Variants in G6PC3 observed in about 807,000 individuals in gnomAD.
G6PC3 encodes the protein glucose-6-phosphatase 3.
Under a neutral mutation model 38.6 loss-of-function variants are expected in G6PC3, and 30 were observed. The ratio of observed to expected loss-of-function variants is 0.78; its 90% confidence interval spans 0.58 to 1.05. The LOEUF (loss-of-function observed/expected upper bound fraction) is 1.05, where lower values mean the gene tolerates loss of function less well. G6PC3 is among the 50% of genes least tolerant of loss of function. The pLI is 0.00. For missense variants in G6PC3, 377 were observed against 443.1 expected, an observed-to-expected ratio of 0.85 and a Z score of 1.34; for synonymous variants, 192 against 178.1, an observed-to-expected ratio of 1.08 and a Z score of -0.62.
In G6PC3 at chr17:44,075,902, G is replaced by GGGT; in HGVS notation, c.902_903insTGG (p.Gly301dup). On this transcript the variant is annotated inframe_insertion, in exon 6 of 6. Coordinates refer to ENST00000269097, the MANE Select transcript of G6PC3 (RefSeq NM_138387.4). ...GGCTGCTGGGCCCCCTGGACTGGCT[G>GGGT]GGCCACCCCCCTCAGATCAGCCTCT... 1 of 1,613,058 alleles carries GGGT rather than the reference G, an allele frequency of 6.2e-7. No homozygotes were observed. The highest frequency in any genetic ancestry group is 1.1e-5 in the South Asian group (1 of 91,078).
intron 1 of G6PC3, 199 bp downstream of exon 1, chr17:44,071,382 A>G (rs1284688607): frequency 2.3e-6 from 2 of 868,190 alleles, no homozygotes; most frequent in East Asian, 5.4e-5. Flanking sequence ...TCATTAGACC[A>G]GTGTTCTTCA....
At chr17:44,072,364 C>T (rs1405576430) in intron 1 of G6PC3, 1 of 128,696 alleles carries the variant, frequency 7.8e-6, no homozygotes. Context: ...GAGTCTCGCT[C>T]AGTTGCCCAG....
intron 5 of G6PC3, 68 bp downstream of exon 5, chr17:44,075,519 G>C: frequency 6.2e-7 from 1 of 1,608,580 alleles, no homozygotes; most frequent in Non-Finnish European, 8.5e-7. Flanking sequence ...AGCCTGGTGT[G>C]TCTCTGGTTC....
intron 2 of G6PC3, 23 bp downstream of exon 2, chr17:44,074,289 C>T: frequency 6.5e-7 from 1 of 1,546,166 alleles, no homozygotes; most frequent in East Asian, 2.2e-5. Context: ...AAACATTCTC[C>T]CTTTCCCAAT....
chr17:44,075,664 C>T lies in G6PC3; in HGVS notation c.678-16C>T. The T allele has an allele frequency of 6.2e-7, 1 of 1,609,546 alleles. No homozygotes were observed. The highest frequency in any genetic ancestry group is 1.1e-5 in the South Asian group (1 of 91,088). On this transcript the variant is annotated splice_polypyrimidine_tract_variant and intron_variant, in intron 5 of 5. Transcript: ENST00000269097. ...ATGTTCCAGCCTCTCCTGGCAAGAA[C>T]TCTTCTTCCCCACAGGTCCATCAGC...
intron 1 of G6PC3, 54 bp from the exon 2 acceptor site, chr17:44,074,106 C>A (rs1289302052): frequency 2.4e-6 from 3 of 1,255,564 alleles, no homozygotes; most frequent in Non-Finnish European, 3.5e-6. Context: ...CGCCTTGTAC[C>A]CCCCCTGGCT....
In G6PC3 at chr17:44,075,799, A is replaced by G; in HGVS notation, c.797A>G (p.His266Arg). The stretch of plus-strand genomic sequence containing the variant: ...GCCCTGGGCCTGGGCATTGCCTTGC[A>G]CTCTCCCTGCTATGCCCAGGTGCGT... ...GAALGLGIALHSPCYAQVRRA... is the reference protein window; with the variant it reads ...GAALGLGIALRSPCYAQVRRA... The change falls in exon 6 of 6, where the codon CAC becomes CGC. Residue 266 changes from histidine (H) to arginine (R), a missense_variant. Transcript: ENST00000269097. The G allele has an allele frequency of 6.2e-7, 1 of 1,611,560 alleles. No individual in the cohort carries two copies. The highest frequency in any genetic ancestry group is 1.1e-5 in the South Asian group (1 of 91,070).
intron 5 of G6PC3, 74 bp from the exon 6 acceptor site, chr17:44,075,606 C>T (rs1025801526): frequency 1.9e-6 from 3 of 1,603,994 alleles, no homozygotes; most frequent in Non-Finnish European, 2.5e-6. Context: ...GAGTGGGCCC[C>T]AAGGGCAGAT....
At position 44,074,004 on chromosome 17, in the gene G6PC3, G is replaced by A. The variant is rs888383658; in HGVS notation, c.219-156G>A. 3 of 743,278 alleles carry A rather than the reference G, an allele frequency of 4.0e-6. No individual in the cohort carries two copies. In the East Asian group the frequency reaches 7.4e-5, roughly 18 times the overall value. The allele number at this position is 743,278 out of a possible 1,614,324, so 46.0% of individuals were successfully genotyped here. A position where few individuals can be genotyped will look rare whatever the true frequency, so the allele number is the denominator to read the frequency against. On this transcript the variant is annotated intron_variant, in intron 1 of 5. Transcript: ENST00000269097. ...GTTCTAAGGTAGAAAACCATGGCAAGGTATCCATGGATACCTTGAGAGCAG... is the reference window on the plus strand; with the variant it reads ...GTTCTAAGGTAGAAAACCATGGCAAAGTATCCATGGATACCTTGAGAGCAG...
At chr17:44,072,039 G>C (rs1415834857) in intron 1 of G6PC3, 1 of 256,712 alleles carries the variant, frequency 3.9e-6, no homozygotes, top group Non-Finnish European at 8.0e-6. Context: ...GGGGAAGGAA[G>C]GGAGGCTCAT....
At chr17:44,074,937 C>T (rs775359303) in intron 3 of G6PC3, 32 bp from the exon 4 acceptor site, 18 of 1,575,938 alleles carry the variant, frequency 1.1e-5, no homozygotes, top group East Asian at 2.2e-5. Context: ...TGTATGGACA[C>T]GCTCTGAGCT....
chr17:44,076,073 C>G lies in G6PC3; in HGVS notation c.*30C>G. 1 of 1,609,924 alleles carries G rather than the reference C, an allele frequency of 6.2e-7. No homozygotes were observed. Among genetic ancestry groups the G allele is most frequent in the Non-Finnish European group, 8.5e-7 (1 of 1,179,916 alleles). Reference sequence around the variant, plus strand: ...TTGTGTGCCTCCCTTTCCTTTCCCTCCCACAAAGCCAACACTCTGTGACCA... The same window carrying G: ...TTGTGTGCCTCCCTTTCCTTTCCCTGCCACAAAGCCAACACTCTGTGACCA... On this transcript the variant is annotated 3_prime_UTR_variant, in exon 6 of 6. Transcript: ENST00000269097.
chr17:44,075,843 G>A lies in G6PC3; in HGVS notation c.841G>A (p.Gly281Ser). 2 of 1,612,138 alleles carry A rather than the reference G, an allele frequency of 1.2e-6. No individual in the cohort carries two copies. Among genetic ancestry groups the A allele is most frequent in the South Asian group, 2.2e-5 (2 of 91,088 alleles). ...AQVRRAQLGNGQKIACLVLAM... is the reference protein window; with the variant it reads ...AQVRRAQLGNSQKIACLVLAM... ...GGTGCGTCGGGCACAGCTGGGAAAT[G>A]GCCAGAAGATAGCCTGCCTTGTGCT... is the stretch of plus-strand genomic sequence containing the variant. Residue 281 changes from glycine (G) to serine (S), a missense_variant, in exon 6 of 6, where the codon GGC becomes AGC. Physicochemically the swap from Gly to Ser is moderately conservative, Grantham distance 56. Coordinates refer to ENST00000269097, the MANE Select transcript of G6PC3 (RefSeq NM_138387.4).
At chr17:44,075,146 G>T in intron 4 of G6PC3, 59 bp downstream of exon 4, 1 of 1,501,684 alleles carries the variant, frequency 6.7e-7, no homozygotes. Context: ...GGGAGGATCA[G>T]TCTAGGATCT....
rs2050055854 is a variant in G6PC3, at chr17:44,074,955, T to C, written c.417-14T>C. 6 of 1,608,422 alleles carry C rather than the reference T, an allele frequency of 3.7e-6. No individual in the cohort carries two copies. Among genetic ancestry groups the C allele is most frequent in the Non-Finnish European group, 5.1e-6 (6 of 1,174,754 alleles). On this transcript the variant is annotated splice_polypyrimidine_tract_variant and intron_variant, in intron 3 of 5. Transcript: ENST00000269097. The stretch of plus-strand genomic sequence containing the variant: ...ATGGACACGCTCTGAGCTCCTTGCC[T>C]CTCTTCTTTCTAGCCGCTGGGTAAG...
upstream of G6PC3, chr17:44,070,696 A>G (rs1377146103): frequency 8.1e-6 from 4 of 495,602 alleles, no homozygotes; most frequent in African/African-American, 7.8e-5. Flanking sequence ...TGGGGCCCTG[A>G]GGAAACGCCT....
intron 1 of G6PC3, chr17:44,072,786 C>T (rs1169027992): frequency 6.6e-6 from 1 of 151,788 alleles, no homozygotes; most frequent in African/African-American, 2.4e-5. Context: ...TATCGGCACC[C>T]ACCACCACGC....
At chr17:44,070,723 C>G, upstream of G6PC3, 2 of 573,258 alleles carry the variant, frequency 3.5e-6, 1 homozygote, top group Admixed American at 5.7e-5. Flanking sequence ...AGGTTTGTCC[C>G]CTGCGCTGCC....
rs369634902 is a variant in G6PC3, at chr17:44,074,303, G to A, written c.325+37G>A. 77 of 1,486,614 alleles carry A rather than the reference G, an allele frequency of 5.2e-5. 1 individual carries two copies. Among genetic ancestry groups the A allele is most frequent in the South Asian group, 6.8e-5 (6 of 88,598 alleles). 92.1% of individuals were successfully genotyped at this position (1,486,614 alleles called of 1,614,324 possible). ...CAAACATTCTCCCTTTCCCAATGTGGTTAGGGTTCGGGTGAACATTTCAGA... is the reference window on the plus strand; with the variant it reads ...CAAACATTCTCCCTTTCCCAATGTGATTAGGGTTCGGGTGAACATTTCAGA... On this transcript the variant is annotated intron_variant, in intron 2 of 5. Coordinates refer to ENST00000269097, the MANE Select transcript of G6PC3 (RefSeq NM_138387.4).
Sources: gnomAD v4.1 joint callset for allele counts on GRCh38, gnomAD v4.1.1 for gene constraint, MANE v1.5 for transcripts, NCBI Gene and HGNC (gene_info 2026-07-23, HGNC 2026-07-21) for gene names.